Variants in KCNA3 observed in about 807,000 individuals in gnomAD.
The protein encoded by KCNA3 is potassium voltage-gated channel subfamily A member 3, also known as RP11-284N8.3.
A neutral mutation model predicts 34.3 loss-of-function variants in KCNA3; 18 were observed. The ratio of observed to expected loss-of-function variants is 0.52; its 90% CI spans 0.36 to 0.78. The LOEUF is 0.78. Among genes scored for constraint, KCNA3 ranks in the 30% least tolerant of loss-of-function variants. The pLI is 0.00. For synonymous variants in KCNA3, 324 were observed against 351.7 expected (o/e 0.92, Z 0.88); for missense variants, 587 against 802.5 (o/e 0.73, Z 3.24).
chr1:110,669,329 G>T (rs1297097441), downstream of KCNA3, among the ~76,000 whole-genome samples: 2 of 152,132 alleles, frequency 1.3e-5, no homozygotes, highest in Non-Finnish European at 2.9e-5. Context: ...TGTCATAGCA[G>T]TTATCACTAA....
At chr1:110,667,039 G>A in the KCNA3 span, among the ~76,000 whole-genome samples, 1 of 152,068 alleles carries the variant, frequency 6.6e-6, no homozygotes, top group African/African-American at 2.4e-5. Flanking sequence ...TGTACTGCAG[G>A]ATAGGAAGTA....
downstream of KCNA3, among the ~76,000 whole-genome samples, chr1:110,671,279 A>G (rs1651881295): frequency 6.6e-6 from 1 of 152,236 alleles, no homozygotes; most frequent in African/African-American, 2.4e-5. Context: ...CTTTTGTAAT[A>G]AACAATGGAA....
At chr1:110,667,319 C>T in the KCNA3 span, among the ~76,000 whole-genome samples, 1 of 152,080 alleles carries the variant, frequency 6.6e-6, no homozygotes, top group Non-Finnish European at 1.5e-5. Flanking sequence ...TAGAGATTCC[C>T]AAGAGCCTTT....
In KCNA3 at chr1:110,674,670, C is replaced by T. The variant is rs1229152168; in HGVS notation, c.140G>A (p.Arg47His). The change falls in exon 1 of 1, where the codon CGC becomes CAC. Residue 47 changes from arginine (R) to histidine (H), a missense_variant. Physicochemically the swap from Arg to His is conservative, Grantham distance 29. This residue lies in a region of KCNA3 where 341 missense variants were observed against 355.4 expected (regional missense o/e 0.96). Transcript: ENST00000369769. The surrounding 1 kb of genome is among the most constrained non-coding windows in gnomAD (Gnocchi z 6.4). The part of the protein sequence containing the change: ...NHGYAEPAAG[R>H]ELPPDMTVVP... ...CACGGTCATGTCGGGCGGCAGCTCG[C>T]GGCCTGCGGCGGGCTCCGCGTAGCC... 3 of 1,512,684 alleles carry T rather than the reference C, an allele frequency of 2.0e-6. No homozygotes were observed. The highest frequency in any genetic ancestry group is 2.0e-4 in the Middle Eastern group (1 of 4,912). 93.7% of individuals were successfully genotyped at this position (1,512,684 alleles called of 1,614,324 possible).
At chr1:110,662,079 C>T in the KCNA3 span, among the ~76,000 whole-genome samples, 1 of 140,842 alleles carries the variant, frequency 7.1e-6, no homozygotes, top group Non-Finnish European at 1.5e-5. Context: ...TGCCACTGCA[C>T]TCCAGCCTGG....
chr1:110,671,336 A>G (rs1651883788), downstream of KCNA3, among the ~76,000 whole-genome samples: 1 of 152,262 alleles, frequency 6.6e-6, no homozygotes, highest in African/African-American at 2.4e-5. Context: ...AAAGGTGTAA[A>G]TTATTTTTAA....
chr1:110,665,254 G>A, the KCNA3 span, among the ~76,000 whole-genome samples: 2 of 152,182 alleles, frequency 1.3e-5, no homozygotes, highest in Non-Finnish European at 2.9e-5. Context: ...AGGACCAATC[G>A]GGAGGCTACT....
downstream of KCNA3, among the ~76,000 whole-genome samples, chr1:110,672,215 G>T (rs1651915344): frequency 6.6e-6 from 1 of 152,118 alleles, no homozygotes; most frequent in Non-Finnish European, 1.5e-5. Context: ...AGTCAGGTCC[G>T]AATTAGTAAC....
chr1:110,673,632 G>T lies in KCNA3; in HGVS notation c.1178C>A (p.Ala393Glu), dbSNP rs770423196. ...GAGCAATCCCAGCTCCCGCATGGAC[G>T]CCTTCAGCGTTTGCCCGAGGATCTG... The part of the protein sequence containing the change: ...GLQILGQTLK[A>E]SMRELGLLIF... Residue 393 changes from alanine (A) to glutamate (E), a missense_variant, in exon 1 of 1, where the codon GCG (alanine) becomes GAG (glutamate). Ala to Glu is a moderately radical substitution (Grantham distance 107). Around this residue, in one of 7 missense-constraint regions of KCNA3, gnomAD observed 84 missense variants for 223.1 expected, o/e 0.38. Transcript: ENST00000369769. This position sits in a 1 kb window ranked among gnomAD's most constrained non-coding sequence, Gnocchi z 8.8. The T allele has an allele frequency of 3.1e-6, 5 of 1,614,038 alleles. No individual in the cohort carries two copies. Among genetic ancestry groups the T allele is most frequent in the Non-Finnish European group, 4.2e-6 (5 of 1,180,028 alleles).
rs938795758 is a variant in KCNA3 at position 110,674,843 on chromosome 1, G to A, written c.-34C>T. 6.4e-5 allele frequency: 82 copies of A among 1,288,900 alleles called. No individual in the cohort carries two copies. Among genetic ancestry groups the A allele is most frequent in the Non-Finnish European group, 7.7e-5 (79 of 1,022,034 alleles). The allele number at this position is 1,288,900 out of a possible 1,614,324, so 79.8% of individuals were successfully genotyped here. A position where few individuals can be genotyped will look rare whatever the true frequency, so the allele number is the denominator to read the frequency against. ...GAAGAGGCGGCAGCGGTGAGGCCAGGTCGCTCCTCCTCGCGCTCCCCGCCC... is the reference window on the plus strand; with the variant it reads ...GAAGAGGCGGCAGCGGTGAGGCCAGATCGCTCCTCCTCGCGCTCCCCGCCC... On this transcript the variant is annotated 5_prime_UTR_variant, in exon 1 of 1. Transcript: ENST00000369769. The surrounding 1 kb of genome is among the most constrained non-coding windows in gnomAD (Gnocchi z 6.4).
chr1:110,661,811 AATC>A, the KCNA3 span, among the ~76,000 whole-genome samples: 20 of 152,122 alleles, frequency 1.3e-4, no homozygotes, highest in African/African-American at 4.8e-4. Flanking sequence ...ATATCAGGAT[AATC>A]ATCATAATGT....
At position 110,674,936 on chromosome 1, in the gene KCNA3, G is replaced by A. The variant is rs1317461217; in HGVS notation, c.-127C>T. The A allele has an allele frequency of 2.4e-5, 28 of 1,169,308 alleles. No homozygotes were observed. The highest frequency in any genetic ancestry group is 6.5e-5 in the East Asian group (2 of 30,712). The allele number at this position is 1,169,308 out of a possible 1,614,324, so 72.4% of individuals were successfully genotyped here. On this transcript the variant is annotated 5_prime_UTR_variant, in exon 1 of 1. Transcript: ENST00000369769. This position sits in a 1 kb window ranked among gnomAD's most constrained non-coding sequence, Gnocchi z 6.4. ...AGCCAAAGCCGCGATGCTCTGTCTG[G>A]GTCTGGCGCGGTCAGCCGGGCTCCC...
the KCNA3 span, chr1:110,655,156 T>A: frequency 2.0e-5 from 3 of 151,950 alleles, no homozygotes; most frequent in African/African-American, 4.8e-5. Flanking sequence ...ATATATATAT[T>A]TATATTTGTG....
At position 110,674,527 on chromosome 1, in the gene KCNA3, CCGGCAGTGAGGG is replaced by C; in HGVS notation, c.271_282del (p.Pro91_Pro94del). The C allele has an allele frequency of 6.2e-7, 1 of 1,610,542 alleles. No individual in the cohort carries two copies. Among genetic ancestry groups the C allele is most frequent in the Non-Finnish European group, 8.5e-7 (1 of 1,178,696 alleles). On this transcript the variant is annotated inframe_deletion, in exon 1 of 1. Coordinates refer to ENST00000369769, the MANE Select transcript of KCNA3 (RefSeq NM_002232.5). This position sits in a 1 kb window ranked among gnomAD's most constrained non-coding sequence, Gnocchi z 6.4. ...CCGCAGCAGTCCTGCTCGCCCGCGGCCGGCAGTGAGGGCGGCAGCGGCTCGTAGCGGTCGCAG... is the reference window on the plus strand; with the variant it reads ...CCGCAGCAGTCCTGCTCGCCCGCGGCCGGCAGCGGCTCGTAGCGGTCGCAG...
In KCNA3 at chr1:110,674,803, C is replaced by T. The variant is rs991161076; in HGVS notation, c.7G>A (p.Glu3Lys). 1.4e-5 allele frequency: 19 copies of T among 1,314,634 alleles called. No individual in the cohort carries two copies. In the African/African-American group the frequency reaches 1.7e-4, roughly 12 times the overall value. 81.4% of individuals were successfully genotyped at this position (1,314,634 alleles called of 1,614,324 possible). A position where few individuals can be genotyped will look rare whatever the true frequency, so the allele number is the denominator to read the frequency against. Residue 3 changes from glutamate (E) to lysine (K), a missense_variant, in exon 1 of 1, where the codon GAG becomes AAG. Physicochemically the swap from Glu to Lys is moderately conservative, Grantham distance 56. Around this residue, in one of 7 missense-constraint regions of KCNA3, gnomAD observed 341 missense variants for 355.4 expected, o/e 0.96. Coordinates refer to ENST00000369769, the MANE Select transcript of KCNA3 (RefSeq NM_002232.5). This position sits in a 1 kb window ranked among gnomAD's most constrained non-coding sequence, Gnocchi z 6.4. ...GGCGAGCGCAGAAGGCTGAGGCGCT[C>T]GTCCATGCGGCGGGGAAGAGGCGGC... MD[E>K]RLSLLRSPPP...
At chr1:110,668,625 T>C (rs1651772826), downstream of KCNA3, among the ~76,000 whole-genome samples, 1 of 152,236 alleles carries the variant, frequency 6.6e-6, no homozygotes, top group Admixed American at 6.5e-5. Flanking sequence ...TGCGTAGGTG[T>C]CTGTGGTTAT....
At chr1:110,670,230 T>C (rs1279099269), downstream of KCNA3, among the ~76,000 whole-genome samples, 1 of 152,168 alleles carries the variant, frequency 6.6e-6, no homozygotes, top group Non-Finnish European at 1.5e-5. Flanking sequence ...ATATAAAAGG[T>C]GCCACATTCT....
chr1:110,669,990 A>G (rs1216793517), downstream of KCNA3, among the ~76,000 whole-genome samples: 1 of 152,106 alleles, frequency 6.6e-6, no homozygotes. Context: ...TAAGTGTTCT[A>G]CCTGTATTAA....
chr1:110,656,472 A>T, the KCNA3 span: 1 of 152,214 alleles, frequency 6.6e-6, no homozygotes, highest in Admixed American at 6.5e-5. Flanking sequence ...TAACAATGTG[A>T]AAACATTATA....
Sources: allele counts gnomAD v4.1 joint callset (sites outside exome capture counted in the v4.1 genomes callset), GRCh38; gene constraint gnomAD v4.1.1; regional missense constraint gnomAD v4.1.1; non-coding constraint Gnocchi (gnomAD v3.1); transcripts MANE v1.5; gene names NCBI Gene and HGNC (gene_info 2026-07-23, HGNC 2026-07-21).